ELOVL5: variants seen among roughly 807,000 people sequenced by gnomAD.
ELOVL5 encodes ELOVL fatty acid elongase 5.
A neutral mutation model predicts 38.6 loss-of-function variants in ELOVL5; 8 were observed. That is an observed-to-expected ratio of 0.21 (90% confidence interval 0.12 to 0.37). ELOVL5 has a LOEUF of 0.37. Among genes scored for constraint, ELOVL5 ranks in the 10% least tolerant of loss-of-function variants. ELOVL5 has a pLI of 1.00. For synonymous variants in ELOVL5, 127 were observed against 133.7 expected, an observed-to-expected ratio of 0.95 and a Z score of 0.34; for missense variants, 280 against 367.8, an observed-to-expected ratio of 0.76 and a Z score of 1.95.
intron 1 of ELOVL5, among the ~76,000 whole-genome samples, chr6:53,307,826 T>G (rs1446824758): frequency 6.6e-6 from 1 of 152,206 alleles, no homozygotes; most frequent in Non-Finnish European, 1.5e-5. Flanking sequence ...CCTTTTTTTT[T>G]GTACTCCTGG....
intron 1 of ELOVL5, among the ~76,000 whole-genome samples, chr6:53,322,118 A>G (rs1355747071): frequency 6.6e-6 from 1 of 152,252 alleles, no homozygotes; most frequent in Admixed American, 6.5e-5. Context: ...GCACAGTTCA[A>G]GCATTTGTTA....
At chr6:53,287,969 C>G (rs577969499) in intron 3 of ELOVL5, 1 of 1,521,962 alleles carries the variant, frequency 6.6e-7, no homozygotes, top group East Asian at 2.4e-5. Context: ...TAGATCCTCT[C>G]TGCTTAGGGT....
chr6:53,323,691 T>C (rs1274911381), intron 1 of ELOVL5, among the ~76,000 whole-genome samples: 2 of 150,066 alleles, frequency 1.3e-5, no homozygotes, highest in Non-Finnish European at 3.0e-5. Context: ...CAAGCGATTC[T>C]CCTGCCTCAG....
chr6:53,287,387 T>C (rs1219258946), intron 3 of ELOVL5, among the ~76,000 whole-genome samples: 1 of 152,164 alleles, frequency 6.6e-6, no homozygotes, highest in African/African-American at 2.4e-5. Context: ...AGTAATCAGG[T>C]ATAGTAACAG....
intron 1 of ELOVL5, among the ~76,000 whole-genome samples, chr6:53,329,940 A>G: frequency 6.6e-6 from 1 of 152,372 alleles, no homozygotes; most frequent in Non-Finnish European, 1.5e-5. Flanking sequence ...TTTTATTTCT[A>G]AAAAGACATT....
chr6:53,347,758 A>G (rs899252874), intron 1 of ELOVL5, among the ~76,000 whole-genome samples: 3 of 151,624 alleles, frequency 2.0e-5, no homozygotes, highest in African/African-American at 7.3e-5. Context: ...ACTTTGCATA[A>G]CTGGCCAAAT....
intron 3 of ELOVL5, among the ~76,000 whole-genome samples, chr6:53,279,343 A>C (rs1191932626): frequency 6.6e-6 from 1 of 152,172 alleles, no homozygotes; most frequent in Non-Finnish European, 1.5e-5. Flanking sequence ...TTCAGTTAAA[A>C]TTCTATTTTC....
intron 1 of ELOVL5, among the ~76,000 whole-genome samples, chr6:53,306,926 A>G (rs1677712063): frequency 6.6e-6 from 1 of 152,208 alleles, no homozygotes; most frequent in South Asian, 2.1e-4. Context: ...ACTTTCACAT[A>G]GAACTTTGCT....
intron 1 of ELOVL5, 38 bp downstream of exon 1, chr6:53,348,779 C>A (rs576559845): frequency 4.4e-6 from 2 of 452,826 alleles, no homozygotes; most frequent in East Asian, 1.4e-4. Flanking sequence ...GGCCGAGCGG[C>A]GGCCCCCGAC....
intron 2 of ELOVL5, chr6:53,293,981 T>G: frequency 1.5e-6 from 1 of 666,150 alleles, no homozygotes; most frequent in Non-Finnish European, 2.0e-6. Flanking sequence ...CTTTGGGCCT[T>G]GGCTGTCAAT....
intron 1 of ELOVL5, among the ~76,000 whole-genome samples, chr6:53,307,495 C>T (rs1410090165): frequency 6.6e-6 from 1 of 152,184 alleles, no homozygotes; most frequent in Non-Finnish European, 1.5e-5. Context: ...CTATTATTAT[C>T]ATCATTACAG....
chr6:53,308,140 A>T (rs375498640), intron 1 of ELOVL5, among the ~76,000 whole-genome samples: 13 of 151,578 alleles, frequency 8.6e-5, no homozygotes, highest in African/African-American at 2.7e-4. Flanking sequence ...GTTTGGAAGA[A>T]GATGTTTGGT....
intron 1 of ELOVL5, among the ~76,000 whole-genome samples, chr6:53,339,810 C>T (rs1197791758): frequency 1.3e-5 from 2 of 152,074 alleles, no homozygotes; most frequent in African/African-American, 2.4e-5. Flanking sequence ...TGAGTGTACA[C>T]CTTCTAATTA....
intron 1 of ELOVL5, among the ~76,000 whole-genome samples, chr6:53,317,414 A>G (rs1043522664): frequency 4.6e-5 from 7 of 152,228 alleles, no homozygotes; most frequent in African/African-American, 1.7e-4. Flanking sequence ...ACAACGATAG[A>G]CTGGATTAAG....
At chr6:53,280,116 C>T (rs867270614) in intron 3 of ELOVL5, among the ~76,000 whole-genome samples, 12 of 152,118 alleles carry the variant, frequency 7.9e-5, no homozygotes, top group Non-Finnish European at 1.6e-4. Flanking sequence ...CTTCAAGTTG[C>T]GTGTTAAGTA....
chr6:53,282,282 G>T (rs1766391674), intron 3 of ELOVL5, among the ~76,000 whole-genome samples: 1 of 152,238 alleles, frequency 6.6e-6, no homozygotes, highest in Non-Finnish European at 1.5e-5. Flanking sequence ...CGCCTGCTTT[G>T]CAGAGTTAAG....
chr6:53,343,980 T>C (rs927492110), intron 1 of ELOVL5, among the ~76,000 whole-genome samples: 1 of 152,198 alleles, frequency 6.6e-6, no homozygotes, highest in African/African-American at 2.4e-5. Flanking sequence ...GTAGGAGGCA[T>C]CCCAATTCTG....
At chr6:53,291,149 T>G (rs1386759546) in intron 3 of ELOVL5, among the ~76,000 whole-genome samples, 1 of 152,252 alleles carries the variant, frequency 6.6e-6, no homozygotes, top group Non-Finnish European at 1.5e-5. Flanking sequence ...TTTCTTTCAT[T>G]TTTAAGCTAT....
intron 1 of ELOVL5, 28 bp downstream of exon 1, chr6:53,348,789 C>G (rs953295097): frequency 4.4e-6 from 2 of 453,640 alleles, no homozygotes; most frequent in Non-Finnish European, 8.8e-6. Context: ...CGGCCCCCGA[C>G]GAAGTTTCCC....
Sources: gnomAD v4.1 joint callset for allele counts (sites outside exome capture counted in the v4.1 genomes callset) on GRCh38, gnomAD v4.1.1 for gene constraint, MANE v1.5 for transcripts, NCBI Gene and HGNC (gene_info 2026-07-23, HGNC 2026-07-21) for gene names.